The following PHTF2 variants were observed in gnomAD, a reference collection of about 807,000 sequenced individuals.
PHTF2 encodes the protein putative homeodomain transcription factor 2, also known as protein PHTF2.
A neutral mutation model predicts 101.2 loss-of-function variants in PHTF2; 60 were observed. The observed-to-expected ratio is 0.59, with a 90% CI of 0.48 to 0.73. The LOEUF (loss-of-function observed/expected upper bound fraction) is 0.73. PHTF2 is among the 30% of genes least tolerant of loss of function. PHTF2 has a pLI of 0.00. For synonymous variants in PHTF2, 311 were observed against 307.3 expected, an observed-to-expected ratio of 1.01 and a Z score of -0.13; for missense variants, 747 against 908.7, an observed-to-expected ratio of 0.82 and a Z score of 2.29.
chr7:77,873,694 G>A (rs1798708118), intron 3 of PHTF2, among the ~76,000 whole-genome samples: 2 of 152,116 alleles, frequency 1.3e-5, no homozygotes, highest in African/African-American at 4.8e-5. Flanking sequence ...TGAGGAAGCT[G>A]TTCCTTCTGG....
chr7:77,838,669 A>G (rs184143363), intron 1 of PHTF2, among the ~76,000 whole-genome samples: 3 of 152,310 alleles, frequency 2.0e-5, no homozygotes, highest in African/African-American at 7.2e-5. Flanking sequence ...TTATAAGTGA[A>G]AGAAACAGGT....
chr7:77,929,065 G>T (rs755902536), intron 11 of PHTF2, 44 bp from the exon 11 acceptor site: 9 of 1,393,094 alleles, frequency 6.5e-6, no homozygotes, highest in South Asian at 1.2e-5. Flanking sequence ...GAGTTGGAAA[G>T]AGTACATAAA....
rs539729677 is a variant in PHTF2, at chr7:77,926,447, A to C, written c.1120-2662A>C. Among the ~76,000 whole-genome samples the C allele has an allele frequency of 2.0e-5, 3 of 152,228 alleles. No individual in the cohort carries two copies. The South Asian group carries it at 6.2e-4, about 32-fold the overall frequency. Reference sequence around the variant, plus strand: ...TTTTTCTTTTTACTTCTTTCTAAATAAACAGCCCTCCTCCCACAAACACTC... The same window carrying C: ...TTTTTCTTTTTACTTCTTTCTAAATCAACAGCCCTCCTCCCACAAACACTC... On this transcript the variant is annotated intron_variant, in intron 11 of 19. Transcript: ENST00000416283.
chr7:77,922,873 TA>T lies in PHTF2; in HGVS notation c.1119+96del, dbSNP rs368380495. ...AACAATTAAAAATTGTTGAAATAAA[TA>T]TTTCACATTATTATCAATATTTATT... is the stretch of plus-strand genomic sequence containing the variant. On this transcript the variant is annotated intron_variant, in intron 11 of 19. Transcript: ENST00000416283. 2.2e-4 allele frequency: 283 copies of T among 1,284,274 alleles called. 3 individuals carry two copies. In the East Asian group the frequency reaches 6.3e-3, roughly 29 times the overall value. The allele number at this position is 1,284,274 out of a possible 1,614,324, so 79.6% of individuals were successfully genotyped here.
chr7:77,897,328 T>C (rs1448515616), intron 5 of PHTF2, among the ~76,000 whole-genome samples: 1 of 149,628 alleles, frequency 6.7e-6, no homozygotes, highest in Non-Finnish European at 1.5e-5. Context: ...ACATTATCTG[T>C]GTACTTAGAG....
intron 5 of PHTF2, among the ~76,000 whole-genome samples, chr7:77,900,179 A>C (rs769634481): frequency 4.6e-5 from 7 of 152,190 alleles, no homozygotes; most frequent in Non-Finnish European, 1.0e-4. Context: ...AGGGGTTGAC[A>C]TGTGAACATA....
chr7:77,799,157 C>A (rs1279341452), intron 1 of PHTF2, among the ~76,000 whole-genome samples, 186 bp downstream of exon 1: 7 of 152,180 alleles, frequency 4.6e-5, no homozygotes. Context: ...ACCTGAGGGC[C>A]GGGGTCAGCC....
At chr7:77,836,009 T>C (rs1795430325) in intron 1 of PHTF2, among the ~76,000 whole-genome samples, 1 of 149,714 alleles carries the variant, frequency 6.7e-6, no homozygotes, top group African/African-American at 2.5e-5. Context: ...TCCCAGCTAC[T>C]CGGGAGGTTG....
At chr7:77,884,354 T>G (rs1799649661) in intron 3 of PHTF2, among the ~76,000 whole-genome samples, 1 of 152,084 alleles carries the variant, frequency 6.6e-6, no homozygotes, top group Admixed American at 6.6e-5. Flanking sequence ...TTGTACCCAG[T>G]ATGTAGTTTT....
chr7:77,949,737 G>T, exon 17 of PHTF2: 1 of 1,560,822 alleles, frequency 6.4e-7, no homozygotes. Context: ...TGGTAATCTG[G>T]TGCATCTCGT....
chr7:77,900,771 C>A, exon 6 of PHTF2: 2 of 1,529,558 alleles, frequency 1.3e-6, no homozygotes, highest in Non-Finnish European at 9.1e-7. Flanking sequence ...AGATGTTGAT[C>A]TTGTAAGAGG....
chr7:77,820,085 C>T (rs1351534677), intron 1 of PHTF2, among the ~76,000 whole-genome samples: 4 of 152,104 alleles, frequency 2.6e-5, no homozygotes, highest in Non-Finnish European at 5.9e-5. Flanking sequence ...GACTGGGTTT[C>T]GCCATGTTGG....
chr7:77,895,142 A>T (rs1800767436), intron 5 of PHTF2: 1 of 455,896 alleles, frequency 2.2e-6, no homozygotes, highest in African/African-American at 2.0e-5. Context: ...TCTATTTGGT[A>T]CTTGGGAGGG....
intron 1 of PHTF2, among the ~76,000 whole-genome samples, chr7:77,802,807 A>T (rs1030295283): frequency 6.6e-6 from 1 of 152,248 alleles, no homozygotes; most frequent in African/African-American, 2.4e-5. Context: ...CTGGGATTAC[A>T]GATATAAGCC....
chr7:77,879,771 A>G lies in PHTF2; in HGVS notation c.148-13837A>G, dbSNP rs61283667. ...CTTTAGCTGAAAGTTTCTCTTATGT[A>G]TCTTATAGGAAAAGCCAAATTTATT... On this transcript the variant is annotated intron_variant, in intron 3 of 19. Transcript: ENST00000416283. 2.0e-4 allele frequency among the ~76,000 whole-genome samples: 30 copies of G among 152,120 alleles called. No individual in the cohort carries two copies. In the East Asian group the frequency reaches 5.0e-3, roughly 25 times the overall value.
intron 11 of PHTF2, chr7:77,923,223 T>C (rs570089310): frequency 2.2e-6 from 2 of 898,678 alleles, no homozygotes; most frequent in African/African-American, 1.8e-5. Flanking sequence ...TTTTTCCTTA[T>C]TAATCTTTAT....
chr7:77,925,619 C>T (rs1361213829), intron 11 of PHTF2, among the ~76,000 whole-genome samples: 1 of 146,766 alleles, frequency 6.8e-6, no homozygotes, highest in African/African-American at 2.5e-5. Context: ...AAGTGATTCT[C>T]CTGCCTCAGC....
At chr7:77,932,268 C>T (rs1402064898) in intron 12 of PHTF2, among the ~76,000 whole-genome samples, 3 of 151,898 alleles carry the variant, frequency 2.0e-5, no homozygotes, top group Non-Finnish European at 4.4e-5. Context: ...CAAAGAGATA[C>T]GGAAGAAAAT....
At chr7:77,942,630 G>C in intron 15 of PHTF2, 70 bp from the exon 15 acceptor site, 2 of 835,564 alleles carry the variant, frequency 2.4e-6, no homozygotes, top group Non-Finnish European at 3.8e-6. Flanking sequence ...TGAAACCATG[G>C]AAATTATCTG....
Sources: allele counts gnomAD v4.1 joint callset (sites outside exome capture counted in the v4.1 genomes callset), GRCh38; gene constraint gnomAD v4.1.1; transcripts MANE v1.5; gene names NCBI Gene and HGNC (gene_info 2026-07-23, HGNC 2026-07-21).